Variants in SPOCK1 observed in about 807,000 individuals in gnomAD.
The protein encoded by SPOCK1 is SPARC (osteonectin), cwcv and kazal like domains proteoglycan 1, also known as testican-1.
A neutral mutation model predicts 55.3 loss-of-function variants in SPOCK1; 23 were observed. The observed-to-expected ratio is 0.42, with a 90% CI of 0.30 to 0.59. The LOEUF (loss-of-function observed/expected upper bound fraction) is 0.59. Ranked by LOEUF, SPOCK1 falls within the 20% of genes least tolerant of loss-of-function variation. SPOCK1 has a pLI of 0.22. For missense variants in SPOCK1, 499 were observed against 552.5 expected (o/e 0.90, Z 0.97); for synonymous variants, 226 against 221.0 (o/e 1.02, Z -0.20).
chr5:137,417,203 T>TC (rs2149824029), intron 2 of SPOCK1, among the ~76,000 whole-genome samples: 1 of 152,202 alleles, frequency 6.6e-6, no homozygotes, highest in Non-Finnish European at 1.5e-5. Context: ...CAGTTTTTTT[T>TC]CTCATATGAG....
At chr5:137,166,306 G>A (rs1425987460) in intron 3 of SPOCK1, among the ~76,000 whole-genome samples, 2 of 152,036 alleles carry the variant, frequency 1.3e-5, no homozygotes, top group African/African-American at 4.8e-5. Context: ...CCCTAGAAAA[G>A]TGTATCTGGT....
chr5:137,252,911 C>T (rs936339013), intron 3 of SPOCK1, among the ~76,000 whole-genome samples: 8 of 152,084 alleles, frequency 5.3e-5, no homozygotes, highest in African/African-American at 1.4e-4. Flanking sequence ...GGTAGGGACA[C>T]GCATAGGAAC....
intron 2 of SPOCK1, among the ~76,000 whole-genome samples, chr5:137,460,784 G>T (rs1366996755): frequency 6.6e-6 from 1 of 152,058 alleles, no homozygotes; most frequent in Non-Finnish European, 1.5e-5. Flanking sequence ...CCACACTGCT[G>T]CCCATTGAAT....
In SPOCK1 at chr5:137,128,655, C is replaced by T. The variant is rs140283285; in HGVS notation, c.347+11925G>A. Among the ~76,000 whole-genome samples, 401 of 152,344 alleles carry T rather than the reference C, an allele frequency of 2.6e-3. 3 individuals are homozygous for T. The highest frequency in any genetic ancestry group is 0.017 in the Admixed American group (260 of 15,310). ...TTGGGGCAGCACTGCCCTGGTCCCC[C>T]AGCTGTGCCATTTAACAGGTGTCAA... On this transcript the variant is annotated intron_variant, in intron 4 of 10. Coordinates refer to ENST00000394945, the MANE Select transcript of SPOCK1 (RefSeq NM_004598.4).
intron 2 of SPOCK1, among the ~76,000 whole-genome samples, chr5:137,368,241 C>T (rs1258993246): frequency 6.6e-6 from 1 of 152,176 alleles, no homozygotes. Flanking sequence ...TATGAAAAAA[C>T]AGCCAGGGAA....
At chr5:137,244,842 T>A (rs1454097567) in intron 3 of SPOCK1, among the ~76,000 whole-genome samples, 3 of 152,222 alleles carry the variant, frequency 2.0e-5, no homozygotes, top group Non-Finnish European at 4.4e-5. Flanking sequence ...CTTGGCCTAG[T>A]GCCCTCCAAC....
At chr5:137,488,328 G>C (rs1352300614) in intron 2 of SPOCK1, among the ~76,000 whole-genome samples, 2 of 152,102 alleles carry the variant, frequency 1.3e-5, no homozygotes, top group Non-Finnish European at 2.9e-5. Context: ...AGTGAGCTGA[G>C]ATCGCGCCAC....
intron 3 of SPOCK1, among the ~76,000 whole-genome samples, chr5:137,208,017 C>T (rs1031344815): frequency 1.3e-5 from 2 of 152,096 alleles, no homozygotes; most frequent in Non-Finnish European, 2.9e-5. Context: ...ATCAAAATCC[C>T]TCCCTCTCCC....
At chr5:137,128,230 C>G (rs1340914708) in intron 4 of SPOCK1, among the ~76,000 whole-genome samples, 2 of 152,148 alleles carry the variant, frequency 1.3e-5, no homozygotes, top group Non-Finnish European at 1.5e-5. Context: ...CTGCCAGTAC[C>G]CTGACCTTGG....
chr5:137,061,208 C>T (rs935222591), intron 6 of SPOCK1, among the ~76,000 whole-genome samples: 1 of 152,204 alleles, frequency 6.6e-6, no homozygotes, highest in Non-Finnish European at 1.5e-5. Flanking sequence ...AGATAAATCT[C>T]TATTTTTCTA....
At chr5:137,469,570 A>G (rs565156548) in intron 2 of SPOCK1, among the ~76,000 whole-genome samples, 3 of 152,356 alleles carry the variant, frequency 2.0e-5, no homozygotes, top group African/African-American at 7.2e-5. Context: ...CTTTAACTAT[A>G]GAACACCTTG....
chr5:137,420,987 G>T (rs1178297552), intron 2 of SPOCK1, among the ~76,000 whole-genome samples: 1 of 152,134 alleles, frequency 6.6e-6, no homozygotes, highest in Non-Finnish European at 1.5e-5. Flanking sequence ...AGAGATTCTG[G>T]TATGTTGTGT....
intron 3 of SPOCK1, among the ~76,000 whole-genome samples, chr5:137,149,269 G>C (rs1423391413): frequency 1.3e-5 from 2 of 152,176 alleles, no homozygotes; most frequent in African/African-American, 4.8e-5. Flanking sequence ...GGGCAGTGTA[G>C]GCAACAGGAG....
chr5:137,076,158 C>T (rs7734489), intron 5 of SPOCK1, among the ~76,000 whole-genome samples: 50,132 of 151,316 alleles, frequency 0.33, 8,631 homozygotes, highest in East Asian at 0.48. Flanking sequence ...CAGTGAAGGC[C>T]CACAGTTGGG....
intron 2 of SPOCK1, among the ~76,000 whole-genome samples, chr5:137,359,395 TAC>T (rs954898367): frequency 6.6e-6 from 1 of 152,224 alleles, no homozygotes; most frequent in Non-Finnish European, 1.5e-5. Flanking sequence ...ATCCAGAGCA[TAC>T]AAAATCAATT....
intron 3 of SPOCK1, among the ~76,000 whole-genome samples, chr5:137,189,599 T>G (rs550676448): frequency 3.8e-4 from 58 of 152,326 alleles, no homozygotes; most frequent in African/African-American, 1.4e-3. Context: ...ATCTGGTCAT[T>G]CAAGAGCTCT....
intron 5 of SPOCK1, among the ~76,000 whole-genome samples, chr5:137,093,887 G>GT (rs1366949451): frequency 2.6e-5 from 4 of 152,322 alleles, no homozygotes; most frequent in Admixed American, 2.6e-4. Context: ...GACACCACTT[G>GT]TAAGTGAGGG....
At chr5:137,272,659 G>A (rs17725295) in intron 2 of SPOCK1, among the ~76,000 whole-genome samples, 17,409 of 151,820 alleles carry the variant, frequency 0.11, 1,296 homozygotes, top group East Asian at 0.23. Context: ...GCTACCACTC[G>A]TGAGAACCCT....
chr5:137,043,978 G>A (rs1239980667), intron 6 of SPOCK1, among the ~76,000 whole-genome samples: 1 of 152,208 alleles, frequency 6.6e-6, no homozygotes, highest in Non-Finnish European at 1.5e-5. Context: ...AAACATGGGT[G>A]CAGGGTATCT....
Sources: allele counts gnomAD v4.1 joint callset (sites outside exome capture counted in the v4.1 genomes callset), GRCh38; gene constraint gnomAD v4.1.1; transcripts MANE v1.5; gene names NCBI Gene and HGNC (gene_info 2026-07-23, HGNC 2026-07-21).